Variants in CHCHD6 observed in about 807,000 individuals in gnomAD.
CHCHD6 encodes the protein MICOS complex subunit MIC25.
Under a neutral mutation model 32.3 loss-of-function variants are expected in CHCHD6, and 28 were observed. The observed-to-expected ratio is 0.87, with a 90% confidence interval of 0.64 to 1.19. The LOEUF is 1.19. Ranked by LOEUF, CHCHD6 falls within the 50% of genes most tolerant of loss-of-function variation. The probability of loss-of-function intolerance (pLI) is 0.00; values close to 1 mark genes in which losing one functional copy is unlikely to be tolerated. For missense variants in CHCHD6, 333 were observed against 307.0 expected (o/e 1.08, Z -0.63); for synonymous variants, 122 against 117.5 (o/e 1.04, Z -0.25).
At chr3:126,733,350 T>C (rs1224630535) in intron 4 of CHCHD6, 128 bp downstream of exon 4, 5 of 847,828 alleles carry the variant, frequency 5.9e-6, no homozygotes, top group Non-Finnish European at 7.3e-6. Flanking sequence ...TGTGCTCGGC[T>C]TCACCTCTGT....
intron 1 of CHCHD6, among the ~76,000 whole-genome samples, chr3:126,716,362 C>T (rs1019314774): frequency 6.6e-6 from 1 of 152,206 alleles, no homozygotes; most frequent in African/African-American, 2.4e-5. Flanking sequence ...GTCATCCCTT[C>T]AGGCCCAATT....
At chr3:126,841,942 G>A (rs901871078) in intron 4 of CHCHD6, among the ~76,000 whole-genome samples, 1 of 151,380 alleles carries the variant, frequency 6.6e-6, no homozygotes, top group African/African-American at 2.4e-5. Flanking sequence ...ACCATTGCTT[G>A]GGAATGTTGG....
At chr3:126,704,800 G>C (rs2107647211) in intron 1 of CHCHD6, among the ~76,000 whole-genome samples, 1 of 152,282 alleles carries the variant, frequency 6.6e-6, no homozygotes, top group Middle Eastern at 3.4e-3. Flanking sequence ...TGGGGACTCA[G>C]CTCTTCCCCG....
chr3:126,793,787 C>G (rs1211791081), intron 4 of CHCHD6, among the ~76,000 whole-genome samples: 2 of 152,128 alleles, frequency 1.3e-5, no homozygotes, highest in Admixed American at 1.3e-4. Context: ...GAGCAGGTCT[C>G]CTGGGAACAG....
At chr3:126,870,547 G>T (rs570366006) in intron 5 of CHCHD6, among the ~76,000 whole-genome samples, 7 of 152,068 alleles carry the variant, frequency 4.6e-5, no homozygotes, top group Admixed American at 6.5e-5. Context: ...GCTGGATGGC[G>T]CTGTGCTGTG....
chr3:126,809,092 C>G (rs1324855856), intron 4 of CHCHD6, among the ~76,000 whole-genome samples: 1 of 152,080 alleles, frequency 6.6e-6, no homozygotes, highest in East Asian at 1.9e-4. Context: ...CTGCCTCAGC[C>G]TCCTGAGTAG....
intron 4 of CHCHD6, among the ~76,000 whole-genome samples, chr3:126,825,909 A>C (rs1163011933): frequency 6.6e-6 from 1 of 152,070 alleles, no homozygotes; most frequent in East Asian, 1.9e-4. Flanking sequence ...ACTGCTGTTT[A>C]TTTCTTTCTA....
intron 4 of CHCHD6, among the ~76,000 whole-genome samples, chr3:126,784,274 G>A (rs566803929): frequency 2.4e-4 from 36 of 152,292 alleles, no homozygotes; most frequent in African/African-American, 7.5e-4. Context: ...CAGTTCCACT[G>A]TTTTGCTCTT....
At chr3:126,927,282 G>A (rs1229353310) in intron 6 of CHCHD6, among the ~76,000 whole-genome samples, 1 of 152,184 alleles carries the variant, frequency 6.6e-6, no homozygotes, top group Non-Finnish European at 1.5e-5. Context: ...AGGAGCGTTC[G>A]TCTGCTGTCC....
chr3:126,893,893 C>G (rs2077800759), intron 5 of CHCHD6, among the ~76,000 whole-genome samples: 1 of 152,236 alleles, frequency 6.6e-6, no homozygotes, highest in South Asian at 2.1e-4. Flanking sequence ...CCTGGTGCCC[C>G]TAACTCCAGA....
chr3:126,870,612 C>T (rs1002999181), intron 5 of CHCHD6, among the ~76,000 whole-genome samples: 10 of 152,326 alleles, frequency 6.6e-5, no homozygotes, highest in Admixed American at 4.6e-4. Flanking sequence ...CAGTCCTTAG[C>T]GTGGCTCCCT....
intron 4 of CHCHD6, among the ~76,000 whole-genome samples, chr3:126,817,670 C>G (rs572507930): frequency 6.6e-6 from 1 of 152,206 alleles, no homozygotes; most frequent in Admixed American, 6.5e-5. Context: ...GAACCTGATG[C>G]AGTTACTAGC....
chr3:126,710,549 G>T (rs1934702548), intron 1 of CHCHD6, among the ~76,000 whole-genome samples: 2 of 152,156 alleles, frequency 1.3e-5, no homozygotes, highest in African/African-American at 2.4e-5. Context: ...TAGCAACATG[G>T]AGTCTGCCAA....
At chr3:126,822,254 G>C (rs1394789278) in intron 4 of CHCHD6, among the ~76,000 whole-genome samples, 2 of 152,244 alleles carry the variant, frequency 1.3e-5, no homozygotes, top group East Asian at 3.9e-4. Context: ...TGTGAGGTTG[G>C]GGTCTAGTTT....
At position 126,721,105 on chromosome 3, in the gene CHCHD6, G is replaced by A. The variant is rs973158267; in HGVS notation, c.88-5973G>A. 2.6e-4 allele frequency among the ~76,000 whole-genome samples: 40 copies of A among 152,076 alleles called. 1 individual carries two copies. Among genetic ancestry groups the A allele is most frequent in the Middle Eastern group, 3.2e-3 (1 of 316 alleles). On this transcript the variant is annotated intron_variant, in intron 1 of 7. Transcript: ENST00000290913. ...TCCTTTTCTTCAACTCTGTGCTCTC[G>A]TTCATTCCCTGCAGTCAGGGCAGCC... is the stretch of plus-strand genomic sequence containing the variant.
At chr3:126,895,976 C>G (rs2077832774) in intron 5 of CHCHD6, among the ~76,000 whole-genome samples, 2 of 152,188 alleles carry the variant, frequency 1.3e-5, no homozygotes, top group South Asian at 4.1e-4. Context: ...TGGGAGGGCC[C>G]TGAGAGATGT....
chr3:126,852,657 T>C lies in CHCHD6; in HGVS notation c.422T>C (p.Leu141Pro). 1 of 1,613,622 alleles carries C rather than the reference T, an allele frequency of 6.2e-7. No individual in the cohort carries two copies. The highest frequency in any genetic ancestry group is 8.5e-7 in the Non-Finnish European group (1 of 1,179,626). ...EQKSVRLARE[L>P]ESREAELRRR... ...TTCTCTTCCAAGCAGGCCAGGGAGCTGGAGAGCAGAGAGGCAGAGCTAAGA... is the reference window on the plus strand; with the variant it reads ...TTCTCTTCCAAGCAGGCCAGGGAGCCGGAGAGCAGAGAGGCAGAGCTAAGA... The change falls in exon 5 of 8, where the codon CTG becomes CCG. Residue 141 changes from leucine (L) to proline (P), a missense_variant. Physicochemically the swap from Leu to Pro is moderately conservative, Grantham distance 98 (BLOSUM62 -3). Coordinates refer to ENST00000290913, the MANE Select transcript of CHCHD6 (RefSeq NM_032343.3).
rs535764781 is a variant in CHCHD6, at chr3:126,949,424, G to A, written c.567-7992G>A. 6.6e-4 allele frequency: 155 copies of A among 233,334 alleles called. 1 individual carries two copies. Among genetic ancestry groups the A allele is most frequent in the African/African-American group, 3.6e-3 (151 of 42,288 alleles). 14.5% of individuals were successfully genotyped at this position (233,334 alleles called of 1,614,324 possible). A position where few individuals can be genotyped will look rare whatever the true frequency, so the allele number is the denominator to read the frequency against. On this transcript the variant is annotated intron_variant, in intron 6 of 7. Coordinates refer to ENST00000290913, the MANE Select transcript of CHCHD6 (RefSeq NM_032343.3). ...CTGCACCAACAGGTCTGCCGTGGAC[G>A]GAAGGGAAGGCTGCACGGACTCCTG... is the stretch of plus-strand genomic sequence containing the variant.
At chr3:126,914,576 C>G (rs2303994) in intron 5 of CHCHD6, 104 bp from the exon 6 acceptor site, 595,331 of 752,496 alleles carry the variant, frequency 0.79, 238,908 homozygotes, top group Non-Finnish European at 0.84. Context: ...CTTTGATGCC[C>G]GTCAAGAAAT....
Sources: allele counts gnomAD v4.1 joint callset (sites outside exome capture counted in the v4.1 genomes callset), GRCh38; gene constraint gnomAD v4.1.1; transcripts MANE v1.5; gene names NCBI Gene and HGNC (gene_info 2026-07-23, HGNC 2026-07-21).